PIERCE1: variants seen among roughly 807,000 people sequenced by gnomAD.
PIERCE1 encodes piercer of microtubule wall 1, also known as piercer of microtubule wall 1 protein.
the PIERCE1 span, chr9:135,499,827 A>G: frequency 6.2e-7 from 1 of 1,601,552 alleles, no homozygotes; most frequent in Non-Finnish European, 8.5e-7. Context: ...GGCTCCGCGC[A>G]CGCTCTGGGG....
the PIERCE1 span, chr9:135,495,386 G>A: frequency 1.9e-6 from 3 of 1,544,682 alleles, no homozygotes; most frequent in African/African-American, 4.1e-5. Context: ...TTTCCAGGAG[G>A]CCCTGGGGTC....
At chr9:135,495,721 C>CCAG in the PIERCE1 span, 1 of 1,098,602 alleles carries the variant, frequency 9.1e-7, no homozygotes, top group Non-Finnish European at 1.3e-6. Context: ...TGCAGAGAAG[C>CCAG]CAGAGTGGGT....
chr9:135,499,504 C>G, the PIERCE1 span: 2 of 761,348 alleles, frequency 2.6e-6, no homozygotes, highest in East Asian at 2.7e-5. Flanking sequence ...GCCCTGCCCC[C>G]CACTGCCCTT....
At chr9:135,496,499 T>C in the PIERCE1 span, among the ~76,000 whole-genome samples, 4 of 152,274 alleles carry the variant, frequency 2.6e-5, no homozygotes, top group African/African-American at 9.6e-5. Context: ...CATCACCTGA[T>C]GTTTCATCTC....
chr9:135,498,344 T>G, the PIERCE1 span, among the ~76,000 whole-genome samples: 1 of 152,040 alleles, frequency 6.6e-6, no homozygotes, highest in Non-Finnish European at 1.5e-5. This position sits in a 1 kb window ranked among gnomAD's most constrained non-coding sequence, Gnocchi z 4.1. Flanking sequence ...CAAGTCTATA[T>G]CCTCCTCTTT....
At chr9:135,496,449 C>T in the PIERCE1 span, among the ~76,000 whole-genome samples, 1 of 152,256 alleles carries the variant, frequency 6.6e-6, no homozygotes, top group Non-Finnish European at 1.5e-5. Context: ...TATTTTACCC[C>T]ATACGGGTGA....
chr9:135,498,464 C>A, the PIERCE1 span: 11 of 787,780 alleles, frequency 1.4e-5, no homozygotes, highest in Non-Finnish European at 2.2e-5. The surrounding 1 kb of genome is among the most constrained non-coding windows in gnomAD (Gnocchi z 4.1). Context: ...GAACTTTGGC[C>A]TCCTCCCTGG....
chr9:135,499,692 G>T, the PIERCE1 span: 1 of 1,607,038 alleles, frequency 6.2e-7, no homozygotes, highest in Non-Finnish European at 8.5e-7. Context: ...GGACCAGGCG[G>T]GCCCCAGCTT....
the PIERCE1 span, chr9:135,495,499 G>A: frequency 6.2e-7 from 1 of 1,614,016 alleles, no homozygotes; most frequent in South Asian, 1.1e-5. Flanking sequence ...AGGTGATGCA[G>A]TTATCGGGGC....
At chr9:135,499,726 C>A in the PIERCE1 span, 1 of 1,608,228 alleles carries the variant, frequency 6.2e-7, no homozygotes, top group East Asian at 2.2e-5. Flanking sequence ...CCCGGAACCA[C>A]CCCGGGTTGT....
the PIERCE1 span, chr9:135,495,278 C>A: frequency 6.8e-5 from 49 of 715,374 alleles, 1 homozygote; most frequent in South Asian, 4.3e-4. Context: ...GCCCCGTTTG[C>A]ATATTTTCCT....
the PIERCE1 span, among the ~76,000 whole-genome samples, chr9:135,498,084 T>C: frequency 1.3e-5 from 2 of 152,256 alleles, no homozygotes; most frequent in African/African-American, 4.8e-5. The surrounding 1 kb of genome is among the most constrained non-coding windows in gnomAD (Gnocchi z 4.1). Flanking sequence ...AAAAAGGGTT[T>C]GGCTTCCCCA....
At chr9:135,498,757 G>GC in the PIERCE1 span, 5 of 1,187,244 alleles carry the variant, frequency 4.2e-6, no homozygotes, top group East Asian at 1.2e-4. This position sits in a 1 kb window ranked among gnomAD's most constrained non-coding sequence, Gnocchi z 4.1. Context: ...CCCTGGAAAT[G>GC]CCCCCATGGA....
chr9:135,499,549 C>T, the PIERCE1 span: 2 of 990,734 alleles, frequency 2.0e-6, no homozygotes, highest in African/African-American at 3.2e-5. Context: ...CTAGGGAGCA[C>T]GGTCGCCGCT....
the PIERCE1 span, among the ~76,000 whole-genome samples, chr9:135,496,455 G>T: frequency 1.3e-5 from 2 of 152,208 alleles, no homozygotes; most frequent in Admixed American, 6.5e-5. Flanking sequence ...ACCCCATACG[G>T]GTGACCTGTC....
chr9:135,497,919 TACGTC>T, the PIERCE1 span, among the ~76,000 whole-genome samples: 10 of 152,260 alleles, frequency 6.6e-5, no homozygotes, highest in East Asian at 1.9e-3. Flanking sequence ...ACAACGAAAA[TACGTC>T]CACAACATTC....
chr9:135,499,429 G>T, the PIERCE1 span: 29 of 673,614 alleles, frequency 4.3e-5, no homozygotes, highest in African/African-American at 4.1e-4. Context: ...GGGTAGAGAG[G>T]AGAGGAGACT....
the PIERCE1 span, chr9:135,499,742 C>T: frequency 1.2e-6 from 2 of 1,607,928 alleles, no homozygotes; most frequent in Non-Finnish European, 1.7e-6. Context: ...GTTGTTGAAC[C>T]TGCCCGGCAG....
At chr9:135,498,600 G>T in the PIERCE1 span, 2 of 1,613,856 alleles carry the variant, frequency 1.2e-6, no homozygotes, top group African/African-American at 1.3e-5. The surrounding 1 kb of genome is among the most constrained non-coding windows in gnomAD (Gnocchi z 4.1). Context: ...TCTCGTGCAC[G>T]GTGGGGGCTC....
Sources: allele counts gnomAD v4.1 joint callset (sites outside exome capture counted in the v4.1 genomes callset), GRCh38; gene constraint gnomAD v4.1.1; non-coding constraint Gnocchi (gnomAD v3.1); transcripts MANE v1.5; gene names NCBI Gene and HGNC (gene_info 2026-07-23, HGNC 2026-07-21).